PDE10A: variants seen among roughly 807,000 people sequenced by gnomAD.
The protein encoded by PDE10A is phosphodiesterase 10A.
In PDE10A, 39 loss-of-function variants were observed where a neutral mutation model predicts 97.7. That is an observed-to-expected ratio of 0.40 (90% CI 0.31 to 0.52). The LOEUF (loss-of-function observed/expected upper bound fraction) is 0.52. PDE10A is among the 20% of genes least tolerant of loss of function. The pLI, the probability that PDE10A is intolerant of heterozygous loss-of-function variation, is 0.56. For missense variants in PDE10A, 731 were observed against 1,047.8 expected, an observed-to-expected ratio of 0.70 and a Z score of 4.17; for synonymous variants, 371 against 376.8, an observed-to-expected ratio of 0.98 and a Z score of 0.18.
At position 165,421,126 on chromosome 6, in the gene PDE10A, A is replaced by T. The variant is rs539468484; in HGVS notation, c.1654-2349T>A. Among the ~76,000 whole-genome samples the T allele has an allele frequency of 3.1e-3, 477 of 152,296 alleles. 1 individual carries two copies. Among genetic ancestry groups the T allele is most frequent in the Non-Finnish European group, 4.9e-3 (334 of 68,024 alleles). ...AAGACAAAGGAGAAAAATCTGCGAG[A>T]TTATCGTCATGGTTGTCAAAAAGCA... On this transcript the variant is annotated intron_variant, in intron 10 of 21. Transcript: ENST00000539869.
intron 1 of PDE10A, among the ~76,000 whole-genome samples, chr6:165,788,218 T>C (rs1778546125): frequency 6.6e-6 from 1 of 152,080 alleles, no homozygotes; most frequent in Non-Finnish European, 1.5e-5. Flanking sequence ...TACATAACTC[T>C]TTCAAGAGTA....
intron 1 of PDE10A, among the ~76,000 whole-genome samples, chr6:165,612,547 T>C (rs944740287): frequency 1.3e-5 from 2 of 152,074 alleles, no homozygotes; most frequent in Non-Finnish European, 2.9e-5. Context: ...TTTTGTATTT[T>C]CCAGTAGAGA....
At chr6:165,382,553 A>C (rs1297384861) in intron 17 of PDE10A, among the ~76,000 whole-genome samples, 1 of 152,228 alleles carries the variant, frequency 6.6e-6, no homozygotes, top group Non-Finnish European at 1.5e-5. Flanking sequence ...TTATGTGACA[A>C]ATAGATTACT....
intron 1 of PDE10A, among the ~76,000 whole-genome samples, chr6:165,798,753 A>T (rs1445933462): frequency 6.6e-6 from 1 of 152,150 alleles, no homozygotes; most frequent in Non-Finnish European, 1.5e-5. Flanking sequence ...TCACTCTGTT[A>T]CCCAGACTGG....
At chr6:165,938,415 G>C (rs1329960946) in intron 1 of PDE10A, among the ~76,000 whole-genome samples, 1 of 152,182 alleles carries the variant, frequency 6.6e-6, no homozygotes, top group African/African-American at 2.4e-5. Context: ...TCTGTTTATA[G>C]CTTATCCATG....
At chr6:165,734,592 G>T (rs1196844605) in intron 1 of PDE10A, among the ~76,000 whole-genome samples, 4 of 152,164 alleles carry the variant, frequency 2.6e-5, no homozygotes, top group Admixed American at 6.5e-5. Flanking sequence ...TACTAAAAAT[G>T]AAGAATGAAA....
At chr6:165,525,431 T>A (rs1367943028) in intron 2 of PDE10A, among the ~76,000 whole-genome samples, 1 of 152,030 alleles carries the variant, frequency 6.6e-6, no homozygotes. Flanking sequence ...ATGAGGAAGA[T>A]GGAAATGCCT....
At chr6:165,835,359 GC>G in intron 1 of PDE10A, among the ~76,000 whole-genome samples, 1 of 152,308 alleles carries the variant, frequency 6.6e-6, no homozygotes, top group East Asian at 1.9e-4. Context: ...GCTGCCCTGG[GC>G]CCATTCCGCT....
At chr6:165,905,712 C>G (rs911126516) in intron 1 of PDE10A, among the ~76,000 whole-genome samples, 3 of 151,654 alleles carry the variant, frequency 2.0e-5, no homozygotes, top group Non-Finnish European at 4.4e-5. Context: ...ATGAGAGTGA[C>G]TATTAAACAC....
intron 18 of PDE10A, among the ~76,000 whole-genome samples, chr6:165,371,971 A>G (rs570513178): frequency 0.065 from 9,874 of 151,024 alleles, 418 homozygotes; most frequent in African/African-American, 0.11. Flanking sequence ...AACCAAAGAC[A>G]AAAACCACAT....
intron 1 of PDE10A, among the ~76,000 whole-genome samples, chr6:165,865,796 G>A (rs1781026351): frequency 6.6e-6 from 1 of 151,972 alleles, no homozygotes; most frequent in Non-Finnish European, 1.5e-5. Flanking sequence ...ACACCATAAA[G>A]TAATCAAATA....
chr6:165,864,115 G>A (rs1476301886), intron 1 of PDE10A, among the ~76,000 whole-genome samples: 1 of 151,964 alleles, frequency 6.6e-6, no homozygotes. Context: ...ATTGTGTACC[G>A]CAAATCTATG....
intron 5 of PDE10A, among the ~76,000 whole-genome samples, chr6:165,441,526 A>G (rs1305742669): frequency 6.6e-6 from 1 of 152,230 alleles, no homozygotes; most frequent in Non-Finnish European, 1.5e-5. Context: ...AAGTCACACA[A>G]TTATTAATTA....
intron 1 of PDE10A, among the ~76,000 whole-genome samples, chr6:165,678,372 A>G (rs1447048693): frequency 8.3e-6 from 1 of 120,148 alleles, no homozygotes; most frequent in African/African-American, 3.2e-5. Context: ...ATACTTCCCT[A>G]TGATTCTTCC....
intron 1 of PDE10A, among the ~76,000 whole-genome samples, chr6:165,622,774 A>ATAC (rs1788205907): frequency 6.6e-6 from 1 of 152,224 alleles, no homozygotes; most frequent in Non-Finnish European, 1.5e-5. Context: ...ATGCCAAGGG[A>ATAC]TACTGTCTTG....
chr6:165,594,345 C>T (rs2987299), intron 1 of PDE10A, among the ~76,000 whole-genome samples: 3 of 152,038 alleles, frequency 2.0e-5, no homozygotes, highest in Non-Finnish European at 2.9e-5. Context: ...TTTGAAAGAA[C>T]GCATACTGGC....
intron 10 of PDE10A, among the ~76,000 whole-genome samples, chr6:165,421,445 A>T (rs928065967): frequency 7.3e-5 from 11 of 150,994 alleles, no homozygotes; most frequent in Non-Finnish European, 1.3e-4. Flanking sequence ...CCCGTCTCAA[A>T]AACAAAAACA....
At chr6:165,929,060 C>T (rs1331447824) in intron 1 of PDE10A, among the ~76,000 whole-genome samples, 1 of 152,138 alleles carries the variant, frequency 6.6e-6, no homozygotes, top group Non-Finnish European at 1.5e-5. Context: ...CTCCTCGTCT[C>T]TAAAATGAGA....
intron 1 of PDE10A, among the ~76,000 whole-genome samples, chr6:165,732,443 T>C (rs1792462178): frequency 6.6e-6 from 1 of 152,188 alleles, no homozygotes; most frequent in Non-Finnish European, 1.5e-5. Context: ...CACAGATCTT[T>C]TCCTTCACCC....
Sources: gnomAD v4.1 joint callset for allele counts (sites outside exome capture counted in the v4.1 genomes callset) on GRCh38, gnomAD v4.1.1 for gene constraint, MANE v1.5 for transcripts, NCBI Gene and HGNC (gene_info 2026-07-23, HGNC 2026-07-21) for gene names.